Variants in HERC2 observed in about 807,000 individuals in gnomAD.
The protein encoded by HERC2 is HECT and RLD domain containing E3 ubiquitin protein ligase 2.
A neutral mutation model predicts 537.7 loss-of-function variants in HERC2; 102 were observed. The observed-to-expected ratio is 0.19, with a 90% CI of 0.16 to 0.22. The LOEUF is 0.22. Ranked by LOEUF, HERC2 falls within the 10% of genes least tolerant of loss-of-function variation. The pLI, the probability that HERC2 is intolerant of heterozygous loss-of-function variation, is 1.00. For synonymous variants in HERC2, 2,224 were observed against 2,466.2 expected (o/e 0.90, Z 2.91); for missense variants, 4,236 against 6,198.2 (o/e 0.68, Z 10.63).
Position 28,221,895 on chromosome 15 carries a change from G to A in HERC2, c.5652+133C>T, listed in dbSNP as rs191119271. The A allele has an allele frequency of 2.3e-3, 1,898 of 827,284 alleles. 18 individuals are homozygous for A. The highest frequency in any genetic ancestry group is 0.013 in the South Asian group (943 of 71,546). The allele number at this position is 827,284 out of a possible 1,614,324, so 51.2% of individuals were successfully genotyped here. ...TGTGTTCACTCCCTTCGGCTGCTCG[G>A]GAACCAACACCTGTGTCATCAATCA... On this transcript the variant is annotated intron_variant, in intron 36 of 92. Transcript: ENST00000261609.
intron 9 of HERC2, among the ~76,000 whole-genome samples, chr15:28,271,522 A>G (rs563979471): frequency 1.3e-5 from 2 of 152,194 alleles, no homozygotes; most frequent in Admixed American, 1.3e-4. Context: ...CAAATATATT[A>G]GCTGGGCTTG....
At position 28,198,489 on chromosome 15, in the gene HERC2, T is replaced by C; in HGVS notation, c.7900A>G (p.Ser2634Gly). Residue 2634 changes from serine to glycine, a missense_variant, in exon 50 of 93, where the codon AGT (serine) becomes GGT (glycine). Around this residue, in one of 27 missense-constraint regions of HERC2, gnomAD observed 606 missense variants for 884.5 expected, o/e 0.69. Transcript: ENST00000261609. ...HVELIGYPPP[S>G]SSSHIKIGDK... ...CCAATCTTGATGTGAGAAGAAGAAC[T>C]TGGTGGAGGATAGCCTACAGATGTC... 6.2e-7 allele frequency: 1 copy of C among 1,614,106 alleles called. No homozygotes were observed. The highest frequency in any genetic ancestry group is 8.5e-7 in the Non-Finnish European group (1 of 1,180,008).
At position 28,301,153 on chromosome 15, in the gene HERC2, G is replaced by A. The variant is rs1197206915; in HGVS notation, c.73-1637C>T. Among the ~76,000 whole-genome samples, 106 of 151,936 alleles carry A rather than the reference G, an allele frequency of 7.0e-4. No homozygotes were observed. In the East Asian group the frequency reaches 0.01, roughly 14 times the overall value. On this transcript the variant is annotated intron_variant, in intron 2 of 92. Coordinates refer to ENST00000261609, the MANE Select transcript of HERC2 (RefSeq NM_004667.6). Reference sequence around the variant, plus strand: ...AACATGGCCAGGTGCGGTGGCTCACGCCTATAATCCTAGCATTTTGGGAGG... The same window carrying A: ...AACATGGCCAGGTGCGGTGGCTCACACCTATAATCCTAGCATTTTGGGAGG...
intron 37 of HERC2, 100 bp from the exon 38 acceptor site, chr15:28,218,771 T>C (rs1900203953): frequency 3.8e-6 from 4 of 1,055,602 alleles, no homozygotes; most frequent in South Asian, 1.3e-5. Context: ...TCTTGTTTTA[T>C]TGAAGACTTG....
At chr15:28,231,905 A>C (rs1215688629) in intron 30 of HERC2, among the ~76,000 whole-genome samples, 1 of 152,030 alleles carries the variant, frequency 6.6e-6, no homozygotes, top group African/African-American at 2.4e-5. Flanking sequence ...AGGAAACTCT[A>C]AAAGTGACAG....
chr15:28,190,644 T>C (rs1566989786), intron 55 of HERC2: 2 of 320,520 alleles, frequency 6.2e-6, no homozygotes, highest in East Asian at 6.0e-5. Flanking sequence ...AACTGAGATA[T>C]TTAATGAAAA....
intron 35 of HERC2, among the ~76,000 whole-genome samples, chr15:28,226,884 G>A (rs2140558947): frequency 1.3e-5 from 2 of 152,338 alleles, no homozygotes; most frequent in South Asian, 4.1e-4. Context: ...AATTTTTAAA[G>A]AGTCTGAGGA....
chr15:28,263,029 C>T lies in HERC2; in HGVS notation c.2011G>A (p.Ala671Thr). The T allele has an allele frequency of 6.2e-7, 1 of 1,614,184 alleles. No individual in the cohort carries two copies. Among genetic ancestry groups the T allele is most frequent in the Non-Finnish European group, 8.5e-7 (1 of 1,180,028 alleles). ...KVRCGSQFSI[A>T]LTKDGQVYSW... is the part of the protein sequence containing the mutation. The stretch of plus-strand genomic sequence containing the variant: ...TAAACTTGGCCATCTTTCGTCAAAG[C>T]AATGGAAAACTGACTTCCACAGCGG... Residue 671 changes from alanine to threonine, a missense_variant, in exon 15 of 93, where the codon GCT becomes ACT. This residue lies in a region of HERC2 where 754 missense variants were observed against 1,085.0 expected (regional missense o/e 0.69). Transcript: ENST00000261609.
rs571403969 is a variant in HERC2, at chr15:28,194,427, G to A, written c.8260+1788C>T. 6.3e-4 allele frequency among the ~76,000 whole-genome samples: 96 copies of A among 151,234 alleles called. 1 individual carries two copies. Among genetic ancestry groups the A allele is most frequent in the African/African-American group, 2.1e-3 (88 of 41,350 alleles). Reference sequence around the variant, plus strand: ...CTACTAAAAATACAAAAAATTAGCCGGGCGTGGTGGCGGGCGCCTGTAGTC... The same window carrying A: ...CTACTAAAAATACAAAAAATTAGCCAGGCGTGGTGGCGGGCGCCTGTAGTC... On this transcript the variant is annotated intron_variant, in intron 52 of 92. Coordinates refer to ENST00000261609, the MANE Select transcript of HERC2 (RefSeq NM_004667.6).
At chr15:28,319,584 CA>C (rs1168038967) in intron 2 of HERC2, among the ~76,000 whole-genome samples, 9,950 of 58,338 alleles carry the variant, frequency 0.17, 153 homozygotes, top group African/African-American at 0.3. Flanking sequence ...GACTGCGTCT[CA>C]AAAAAAAAAA....
chr15:28,255,098 G>A (rs182706041), intron 19 of HERC2, among the ~76,000 whole-genome samples: 234 of 152,300 alleles, frequency 1.5e-3, no homozygotes, highest in African/African-American at 5.3e-3. Flanking sequence ...CACTTTGGGA[G>A]GACAAGGTGG....
rs145533055 is a variant in HERC2, at chr15:28,118,122, G to A, written c.13273-968C>T. On this transcript the variant is annotated intron_variant, in intron 86 of 92. Coordinates refer to ENST00000261609, the MANE Select transcript of HERC2 (RefSeq NM_004667.6). ...TTGCCTGTAGAATGAACTTGTCTGC[G>A]TGCCACACACACGGCTAGTGTTCAC... 804 of 167,530 alleles carry A rather than the reference G, an allele frequency of 4.8e-3. 6 individuals are homozygous for A. Among genetic ancestry groups the A allele is most frequent in the Middle Eastern group, 0.016 (5 of 318 alleles). The allele number at this position is 167,530 out of a possible 1,614,324, so 10.4% of individuals were successfully genotyped here. A position where few individuals can be genotyped will look rare whatever the true frequency, so the allele number is the denominator to read the frequency against.
chr15:28,286,367 G>A (rs886585339), intron 4 of HERC2, among the ~76,000 whole-genome samples: 4 of 151,950 alleles, frequency 2.6e-5, no homozygotes, highest in South Asian at 2.1e-4. Context: ...AATATACAGC[G>A]AATTATTAGC....
intron 58 of HERC2, 28 bp from the exon 59 acceptor site, chr15:28,179,058 C>A: frequency 6.2e-7 from 1 of 1,610,360 alleles, no homozygotes; most frequent in Non-Finnish European, 8.5e-7. Context: ...CAGGAGAGGA[C>A]TCTCTTTTCA....
At chr15:28,169,116 T>C (rs945363675) in intron 66 of HERC2, among the ~76,000 whole-genome samples, 8 of 152,234 alleles carry the variant, frequency 5.3e-5, no homozygotes, top group Non-Finnish European at 1.2e-4. Context: ...TACTGCAAAA[T>C]GCCGCACTGG....
chr15:28,309,379 T>C (rs2076878743), intron 2 of HERC2, among the ~76,000 whole-genome samples: 1 of 152,212 alleles, frequency 6.6e-6, no homozygotes. Flanking sequence ...ATAATAGTTA[T>C]AGCCTCTTGC....
chr15:28,218,358 T>C (rs1596260591), intron 38 of HERC2, 131 bp downstream of exon 38: 1 of 780,176 alleles, frequency 1.3e-6, no homozygotes, highest in African/African-American at 1.8e-5. Flanking sequence ...AGCCCCCAAG[T>C]TTGTATACTT....
intron 19 of HERC2, among the ~76,000 whole-genome samples, 154 bp downstream of exon 19, chr15:28,255,718 T>A (rs2075237531): frequency 6.6e-6 from 1 of 152,248 alleles, no homozygotes; most frequent in African/African-American, 2.4e-5. Context: ...TCAATAATTT[T>A]GTAAATTGGC....
chr15:28,218,139 G>C (rs1240983421), intron 38 of HERC2, among the ~76,000 whole-genome samples: 3 of 151,194 alleles, frequency 2.0e-5, no homozygotes, highest in African/African-American at 7.4e-5. Context: ...GGGAGATTTG[G>C]AGGCGACTCA....
Sources: allele counts gnomAD v4.1 joint callset (sites outside exome capture counted in the v4.1 genomes callset), GRCh38; gene constraint gnomAD v4.1.1; regional missense constraint gnomAD v4.1.1; transcripts MANE v1.5; gene names NCBI Gene and HGNC (gene_info 2026-07-23, HGNC 2026-07-21).